HIVEP2: variants seen among roughly 807,000 people sequenced by gnomAD.
HIVEP2 encodes the protein HIVEP zinc finger 2.
HIVEP2 carries 14 observed loss-of-function variants against 180.7 expected under a neutral mutation model. That is an observed-to-expected ratio of 0.08 (90% CI 0.05 to 0.12). The LOEUF is 0.12. Among genes scored for constraint, HIVEP2 ranks in the 10% least tolerant of loss-of-function variants. The probability of loss-of-function intolerance (pLI) is 1.00; values close to 1 mark genes in which losing one functional copy is unlikely to be tolerated. For missense variants in HIVEP2, 2,579 were observed against 3,008.5 expected (o/e 0.86, Z 3.34); for synonymous variants, 1,184 against 1,136.4 (o/e 1.04, Z -0.84).
intron 1 of HIVEP2, among the ~76,000 whole-genome samples, chr6:142,885,758 T>A (rs1276108893): frequency 6.6e-6 from 1 of 152,186 alleles, no homozygotes; most frequent in Non-Finnish European, 1.5e-5. Flanking sequence ...AGAAAGCTGT[T>A]TTAAATAAGC....
chr6:142,914,641 T>C (rs535038682), intron 1 of HIVEP2, among the ~76,000 whole-genome samples: 1 of 152,322 alleles, frequency 6.6e-6, no homozygotes, highest in African/African-American at 2.4e-5. Flanking sequence ...CAGCCCTTGG[T>C]GCATAGTAGT....
chr6:142,926,784 T>C (rs1481453647), intron 1 of HIVEP2, among the ~76,000 whole-genome samples: 1 of 151,904 alleles, frequency 6.6e-6, no homozygotes, highest in Non-Finnish European at 1.5e-5. Flanking sequence ...CCGGACCAGC[T>C]CCCGGCGCTG....
chr6:142,892,822 AT>A (rs1243618215), intron 1 of HIVEP2, among the ~76,000 whole-genome samples: 3 of 152,192 alleles, frequency 2.0e-5, no homozygotes, highest in Admixed American at 6.5e-5. Context: ...GGGAGTCAAG[AT>A]TACAGATGGA....
intron 2 of HIVEP2, among the ~76,000 whole-genome samples, chr6:142,811,471 G>C (rs1018370047): frequency 1.3e-5 from 2 of 152,102 alleles, no homozygotes; most frequent in African/African-American, 4.8e-5. Flanking sequence ...TTGTGCAATG[G>C]CTAAAATTTC....
At chr6:142,783,163 A>C (rs1194586116) in intron 3 of HIVEP2, among the ~76,000 whole-genome samples, 33 of 151,998 alleles carry the variant, frequency 2.2e-4, no homozygotes, top group Admixed American at 2.1e-3. Context: ...CCCTGTCTCT[A>C]CTAAAAATAC....
At chr6:142,779,251 C>A (rs948038546) in intron 3 of HIVEP2, among the ~76,000 whole-genome samples, 6 of 152,070 alleles carry the variant, frequency 3.9e-5, no homozygotes, top group African/African-American at 1.2e-4. Context: ...AAAATAAGAA[C>A]CTTACAAGTG....
intron 2 of HIVEP2, among the ~76,000 whole-genome samples, chr6:142,803,374 T>C (rs1776461741): frequency 6.6e-6 from 1 of 152,144 alleles, no homozygotes; most frequent in South Asian, 2.1e-4. Context: ...GTTTCACAGA[T>C]GCTGGTGAAA....
At chr6:142,878,760 G>A (rs1776508437) in intron 1 of HIVEP2, among the ~76,000 whole-genome samples, 1 of 152,144 alleles carries the variant, frequency 6.6e-6, no homozygotes, top group Admixed American at 6.6e-5. Flanking sequence ...GATAAAAAGT[G>A]ACTGTAGGGA....
intron 1 of HIVEP2, among the ~76,000 whole-genome samples, chr6:142,867,532 TCCTC>T (rs1776170908): frequency 6.6e-6 from 1 of 152,180 alleles, no homozygotes; most frequent in Non-Finnish European, 1.5e-5. Context: ...CTCTGACTCT[TCCTC>T]CACCCACTTC....
At chr6:142,808,364 G>A (rs1776604866) in intron 2 of HIVEP2, among the ~76,000 whole-genome samples, 1 of 151,096 alleles carries the variant, frequency 6.6e-6, no homozygotes, top group Admixed American at 6.6e-5. Flanking sequence ...GGGACGGATG[G>A]AAGAGATAGA....
chr6:142,775,329 T>C (rs1016155616), intron 4 of HIVEP2, among the ~76,000 whole-genome samples: 1 of 152,220 alleles, frequency 6.6e-6, no homozygotes, highest in African/African-American at 2.4e-5. Flanking sequence ...AACATAAGTC[T>C]CTTCCATGTT....
intron 1 of HIVEP2, among the ~76,000 whole-genome samples, chr6:142,902,844 C>A (rs754388836): frequency 2.0e-5 from 3 of 152,210 alleles, no homozygotes; most frequent in Non-Finnish European, 4.4e-5. Flanking sequence ...CATTCCCCAG[C>A]CTCTTGGCTG....
chr6:142,822,220 T>C (rs1400978082), intron 2 of HIVEP2, among the ~76,000 whole-genome samples: 2 of 152,218 alleles, frequency 1.3e-5, no homozygotes, highest in Non-Finnish European at 2.9e-5. Context: ...ATGACCTCCT[T>C]GGCAGTCTGA....
intron 2 of HIVEP2, among the ~76,000 whole-genome samples, chr6:142,824,607 G>A (rs1308204432): frequency 6.6e-6 from 1 of 152,188 alleles, no homozygotes; most frequent in African/African-American, 2.4e-5. Flanking sequence ...TGTCACCAAA[G>A]CAGTTCCATC....
chr6:142,904,598 A>T (rs921290580), intron 1 of HIVEP2, among the ~76,000 whole-genome samples: 2 of 152,198 alleles, frequency 1.3e-5, no homozygotes, highest in Non-Finnish European at 2.9e-5. Context: ...TTCAATATGG[A>T]TATTAGTCCA....
chr6:142,881,012 C>T (rs989018362), intron 1 of HIVEP2, among the ~76,000 whole-genome samples: 3 of 152,128 alleles, frequency 2.0e-5, no homozygotes, highest in African/African-American at 7.2e-5. Context: ...ATACTAGACT[C>T]AAGTTTCTTG....
At chr6:142,816,334 G>GC (rs1464417640) in intron 2 of HIVEP2, among the ~76,000 whole-genome samples, 1 of 151,990 alleles carries the variant, frequency 6.6e-6, no homozygotes, top group African/African-American at 2.4e-5. Context: ...ACTGTTCTTT[G>GC]CCCCCAGTTC....
At chr6:142,838,750 C>T (rs931821998) in intron 1 of HIVEP2, among the ~76,000 whole-genome samples, 4 of 152,068 alleles carry the variant, frequency 2.6e-5, no homozygotes, top group Admixed American at 6.5e-5. Context: ...ATTGATTTCT[C>T]GATGTACAAT....
At chr6:142,785,931 G>T (rs1423254876) in intron 2 of HIVEP2, among the ~76,000 whole-genome samples, 2 of 152,160 alleles carry the variant, frequency 1.3e-5, no homozygotes, top group African/African-American at 4.8e-5. Flanking sequence ...TTAAAGCAAA[G>T]ATGCAAATAA....
Sources: allele counts gnomAD v4.1 joint callset (sites outside exome capture counted in the v4.1 genomes callset), GRCh38; gene constraint gnomAD v4.1.1; transcripts MANE v1.5; gene names NCBI Gene and HGNC (gene_info 2026-07-23, HGNC 2026-07-21).